TG: variants seen among roughly 807,000 people sequenced by gnomAD.
TG encodes thyroid hormones.
Under a neutral mutation model 324.7 loss-of-function variants are expected in TG, and 270 were observed. The observed-to-expected ratio is 0.83, with a 90% confidence interval of 0.75 to 0.92. The LOEUF (loss-of-function observed/expected upper bound fraction) is 0.92. TG is among the 40% of genes least tolerant of loss of function. The pLI, the probability that TG is intolerant of heterozygous loss-of-function variation, is 0.00. For missense variants in TG, 3,591 were observed against 3,456.4 expected, an observed-to-expected ratio of 1.04 and a Z score of -0.98; for synonymous variants, 1,401 against 1,327.0, an observed-to-expected ratio of 1.06 and a Z score of -1.21.
At chr8:133,110,536 T>G (rs538245275) in intron 43 of TG, among the ~76,000 whole-genome samples, 2 of 152,246 alleles carry the variant, frequency 1.3e-5, no homozygotes, top group Non-Finnish European at 2.9e-5. Context: ...AAATGCTTTC[T>G]TCATCTAATA....
At chr8:133,020,053 A>G (rs1835418951) in intron 39 of TG, among the ~76,000 whole-genome samples, 1 of 152,224 alleles carries the variant, frequency 6.6e-6, no homozygotes, top group African/African-American at 2.4e-5. Context: ...TAGTCAATCA[A>G]TTGATTGACA....
Position 133,116,629 on chromosome 8 carries a change from C to T in TG, c.7775C>T (p.Pro2592Leu), listed in dbSNP as rs781230513. The T allele has an allele frequency of 6.2e-7, 1 of 1,614,238 alleles. No homozygotes were observed. Among genetic ancestry groups the T allele is most frequent in the South Asian group, 1.1e-5 (1 of 91,088 alleles). The change falls in exon 45 of 48, where the codon CCT becomes CTT. Residue 2592 changes from proline (P) to leucine (L), a missense_variant. By Grantham distance (98) the Pro-to-Leu change is moderately conservative. Transcript: ENST00000220616. ...ACCAGGGACTACTTTATCATCTGCC[C>T]TATAATCGACATGGCCAGTGCCTGG... ...NATRDYFIIC[P>L]IIDMASAWAK...
intron 20 of TG, among the ~76,000 whole-genome samples, chr8:132,915,375 T>G (rs1244604520): frequency 6.6e-6 from 1 of 152,152 alleles, no homozygotes; most frequent in Non-Finnish European, 1.5e-5. Context: ...AGAAACCTGG[T>G]TTCAAGATTC....
At chr8:133,039,945 AC>A in intron 41 of TG, 1 of 1,491,592 alleles carries the variant, frequency 6.7e-7, no homozygotes, top group South Asian at 1.2e-5. Context: ...TTCACAGAGC[AC>A]TTGCATGCAC....
intron 18 of TG, among the ~76,000 whole-genome samples, chr8:132,910,138 C>T (rs1819299175): frequency 6.6e-6 from 1 of 152,166 alleles, no homozygotes; most frequent in Non-Finnish European, 1.5e-5. Context: ...TCACCTTCAC[C>T]AGGGGTGTGG....
chr8:133,027,580 T>C (rs979752265), intron 40 of TG, among the ~76,000 whole-genome samples: 1 of 152,170 alleles, frequency 6.6e-6, no homozygotes, highest in East Asian at 1.9e-4. Context: ...ATGGCCCATC[T>C]TAGAAGGTCA....
intron 27 of TG, among the ~76,000 whole-genome samples, chr8:132,954,010 GC>G (rs1826491487): frequency 1.3e-5 from 2 of 149,804 alleles, no homozygotes; most frequent in Admixed American, 1.3e-4. Flanking sequence ...AAAAAAAAAA[GC>G]CTTGGCAGAA....
At chr8:133,041,866 C>T (rs888157365) in intron 41 of TG, among the ~76,000 whole-genome samples, 4 of 149,610 alleles carry the variant, frequency 2.7e-5, no homozygotes, top group Non-Finnish European at 3.0e-5. Flanking sequence ...TGGCTCATTG[C>T]AACCTCTGCC....
intron 14 of TG, among the ~76,000 whole-genome samples, 168 bp from the exon 15 acceptor site, chr8:132,900,069 G>A (rs897977021): frequency 2.0e-5 from 3 of 152,172 alleles, no homozygotes; most frequent in Admixed American, 6.5e-5. Flanking sequence ...AATGATGCAC[G>A]TAAAGGGCTG....
chr8:132,904,133 C>T (rs1452028683), intron 16 of TG, among the ~76,000 whole-genome samples: 2 of 152,170 alleles, frequency 1.3e-5, no homozygotes, highest in Non-Finnish European at 2.9e-5. Context: ...CTCTAGGCTT[C>T]AGGGGCCTCA....
intron 26 of TG, among the ~76,000 whole-genome samples, chr8:132,943,233 C>G (rs115782280): frequency 0.019 from 2,940 of 152,184 alleles, 97 homozygotes; most frequent in African/African-American, 0.064. Flanking sequence ...GGGTGAATGG[C>G]TTGGTGCTAT....
intron 41 of TG, chr8:133,040,415 T>A: frequency 2.7e-6 from 1 of 373,800 alleles, no homozygotes; most frequent in African/African-American, 2.0e-5. Flanking sequence ...ATTTTAGCTT[T>A]ACCCCGATAG....
At chr8:132,996,955 G>A (rs146664748) in intron 35 of TG, among the ~76,000 whole-genome samples, 1 of 152,262 alleles carries the variant, frequency 6.6e-6, no homozygotes, top group African/African-American at 2.4e-5. Flanking sequence ...AGTTGGAGAG[G>A]TAGGCAAGAA....
At chr8:133,048,599 ACTC>A (rs1839892101) in intron 41 of TG, 1 of 155,662 alleles carries the variant, frequency 6.4e-6, no homozygotes, top group African/African-American at 2.4e-5. Flanking sequence ...TAATTATGTC[ACTC>A]CTCCTGGTTC....
At chr8:132,891,406 T>C (rs577370321) in intron 10 of TG, among the ~76,000 whole-genome samples, 1 of 152,252 alleles carries the variant, frequency 6.6e-6, no homozygotes, top group Non-Finnish European at 1.5e-5. Context: ...ATGATCTCAG[T>C]TCACTGCAGC....
chr8:132,974,025 CT>C (rs1829881446), intron 34 of TG, among the ~76,000 whole-genome samples: 1 of 122,022 alleles, frequency 8.2e-6, no homozygotes, highest in Non-Finnish European at 1.6e-5. Context: ...CGGAGTTTTG[CT>C]CTTGTCACCC....
At chr8:133,047,519 G>A (rs1430811379) in intron 41 of TG, 2 of 383,970 alleles carry the variant, frequency 5.2e-6, no homozygotes, top group Non-Finnish European at 9.8e-6. Context: ...CATTCTATCT[G>A]CACAGCATGC....
chr8:133,106,971 A>G (rs1849857128), intron 43 of TG, among the ~76,000 whole-genome samples: 1 of 152,204 alleles, frequency 6.6e-6, no homozygotes, highest in Non-Finnish European at 1.5e-5. Context: ...TGTCTCTCAG[A>G]CACCACTCGG....
intron 41 of TG, among the ~76,000 whole-genome samples, chr8:133,060,556 G>A (rs1477239581): frequency 6.6e-6 from 1 of 152,198 alleles, no homozygotes; most frequent in African/African-American, 2.4e-5. Context: ...CCACTCAGGG[G>A]CCCTCACCAT....
Sources: allele counts gnomAD v4.1 joint callset (sites outside exome capture counted in the v4.1 genomes callset), GRCh38; gene constraint gnomAD v4.1.1; transcripts MANE v1.5; gene names NCBI Gene and HGNC (gene_info 2026-07-23, HGNC 2026-07-21).